The following PASK variants were observed in gnomAD, a reference collection of about 807,000 sequenced individuals.
PASK encodes the protein PAS domain containing serine/threonine kinase.
In PASK, 110 loss-of-function variants were observed where a neutral mutation model predicts 121.0. The observed-to-expected ratio is 0.91, with a 90% CI of 0.78 to 1.06. The LOEUF (loss-of-function observed/expected upper bound fraction) is 1.06. PASK is among the 50% of genes least tolerant of loss of function. The pLI, the probability that PASK is intolerant of heterozygous loss-of-function variation, is 0.00. For synonymous variants in PASK, 686 were observed against 717.8 expected (o/e 0.96, Z 0.71); for missense variants, 1,643 against 1,702.3 (o/e 0.97, Z 0.61).
chr2:241,123,008 C>A, intron 11 of PASK, 109 bp from the exon 12 acceptor site: 1 of 978,494 alleles, frequency 1.0e-6, no homozygotes, highest in Admixed American at 2.4e-5. Flanking sequence ...GGCAGGTGTG[C>A]CCTGCACTCC....
chr2:241,124,504 A>C (rs1046312872), intron 10 of PASK, among the ~76,000 whole-genome samples: 1 of 152,244 alleles, frequency 6.6e-6, no homozygotes, highest in African/African-American at 2.4e-5. Flanking sequence ...AACGTGCCCT[A>C]CACACGGTGG....
At position 241,124,112 on chromosome 2, in the gene PASK, C is replaced by A; in HGVS notation, c.2741G>T (p.Arg914Leu). Residue 914 changes from arginine (R) to leucine (L), a missense_variant, in exon 11 of 18, where the codon CGG becomes CTG. Arg to Leu is a moderately radical substitution (Grantham distance 102, BLOSUM62 -2). Transcript: ENST00000234040. The part of the protein sequence containing the change: ...LRLSIQFEVR[R>L]VELQGPTPLF... The stretch of plus-strand genomic sequence containing the variant: ...AGGTGTGGGGCCCTGGAGCTCCACC[C>A]GCCTCACCTCAAACTGTATACCTGA... 1 of 1,613,912 alleles carries A rather than the reference C, an allele frequency of 6.2e-7. No individual in the cohort carries two copies.
At chr2:241,149,333 G>A (rs2067163312) in intron 1 of PASK, 81 bp downstream of exon 1, 1 of 249,678 alleles carries the variant, frequency 4.0e-6, no homozygotes, top group African/African-American at 2.3e-5. Context: ...CTGGGCCAGG[G>A]GCGCGGAGCC....
Position 241,127,105 on chromosome 2 carries a change from C to G in PASK, c.1810G>C (p.Gly604Arg). The G allele has an allele frequency of 6.2e-7, 1 of 1,614,056 alleles. No individual in the cohort carries two copies. The highest frequency in any genetic ancestry group is 8.5e-7 in the Non-Finnish European group (1 of 1,180,020). Residue 604 changes from glycine (G) to arginine (R), a missense_variant, in exon 10 of 18, where the codon GGC becomes CGC. This residue lies in a region of PASK where 1,176 missense variants were observed against 1,162.2 expected (regional missense o/e 1.01). Transcript: ENST00000234040. ...KPQAKGQLAG[G>R]SLLMHCPCYG... ...CAAGGGCAGTGCATCAGGAGGCTGCCCCCCGCCAGCTGACCCTTGGCCTGG... is the reference window on the plus strand; with the variant it reads ...CAAGGGCAGTGCATCAGGAGGCTGCGCCCCGCCAGCTGACCCTTGGCCTGG...
At position 241,106,473 on chromosome 2, in the gene PASK, G is replaced by T. The variant is rs545320438; in HGVS notation, c.*93C>A. The T allele has an allele frequency of 6.9e-6, 9 of 1,301,804 alleles. No homozygotes were observed. Among genetic ancestry groups the T allele is most frequent in the Non-Finnish European group, 1.0e-5 (9 of 897,980 alleles). 80.6% of individuals were successfully genotyped at this position (1,301,804 alleles called of 1,614,324 possible). On this transcript the variant is annotated 3_prime_UTR_variant, in exon 18 of 18. Transcript: ENST00000234040. ...ATGAGTTTTTAGAAGGTGAATTGGG[G>T]ATGCTTCAGAATGTATTTTCTCCAA...
chr2:241,146,288 C>A (rs1302679468), intron 1 of PASK, among the ~76,000 whole-genome samples: 2 of 152,168 alleles, frequency 1.3e-5, no homozygotes, highest in Non-Finnish European at 2.9e-5. Context: ...AATATAATCT[C>A]TTTAGAAAAC....
chr2:241,114,999 C>A, intron 14 of PASK, 44 bp downstream of exon 14: 3 of 1,613,850 alleles, frequency 1.9e-6, no homozygotes, highest in Non-Finnish European at 2.5e-6. Context: ...GACCCAGGCA[C>A]CCAGGCCTGC....
At position 241,115,084 on chromosome 2, in the gene PASK, G is replaced by T; in HGVS notation, c.3292C>A (p.Pro1098Thr). Residue 1098 changes from proline (P) to threonine (T), a missense_variant, in exon 14 of 18, where the codon CCC (proline) becomes ACC (threonine). By Grantham distance (38) the Pro-to-Thr change is conservative. This residue lies in a region of PASK where 453 missense variants were observed against 511.2 expected (regional missense o/e 0.89). Transcript: ENST00000234040. ...LDLFAFIDRH[P>T]RLDEPLASYI... is the part of the protein sequence containing the mutation. Reference sequence around the variant, plus strand: ...CTCGCCAGGGGCTCATCCAGCCTGGGGTGGCGGTCGATGAAAGCGAAGAGG... The same window carrying T: ...CTCGCCAGGGGCTCATCCAGCCTGGTGTGGCGGTCGATGAAAGCGAAGAGG... 6.2e-7 allele frequency: 1 copy of T among 1,614,134 alleles called. No homozygotes were observed. The highest frequency in any genetic ancestry group is 8.5e-7 in the Non-Finnish European group (1 of 1,179,974).
chr2:241,149,544 C>T (rs1355100261), upstream of PASK: 2 of 1,011,028 alleles, frequency 2.0e-6, no homozygotes, highest in Non-Finnish European at 1.4e-6. Flanking sequence ...GCCACTTGCG[C>T]GTATGGGCGG....
chr2:241,107,512 AG>A lies in PASK; in HGVS notation c.3668-14del. ...AGGCTCATGAGTTCTGGGGACACAA[AG>A]AACACAGATGGTAGGTCCAGATTGG... On this transcript the variant is annotated splice_polypyrimidine_tract_variant and intron_variant, in intron 16 of 17. Coordinates refer to ENST00000234040, the MANE Select transcript of PASK (RefSeq NM_015148.4). The A allele has an allele frequency of 1.2e-6, 2 of 1,613,582 alleles. No individual in the cohort carries two copies. The highest frequency in any genetic ancestry group is 1.7e-6 in the Non-Finnish European group (2 of 1,179,650).
chr2:241,126,171 T>C (rs752466501), intron 10 of PASK, 25 bp downstream of exon 10: 12 of 1,611,412 alleles, frequency 7.4e-6, no homozygotes. Flanking sequence ...GCACCACACT[T>C]CTTCCTATGG....
In PASK at chr2:241,135,989, G is replaced by C. The variant is rs929562548; in HGVS notation, c.1188C>G (p.Tyr396Ter). ...GGTCTGGGAGCTGTAATGAGCTGTT[G>C]TACGCAAGGTCCATGTAGCTGTAGA... ...PGFYSYMDLA[Y>*]NSSLQLPDLA... is the part of the protein sequence containing the mutation. Residue 396 changes from tyrosine to a stop codon, truncating the protein, a stop_gained, in exon 8 of 18, where the codon TAC becomes TAG. Transcript: ENST00000234040. LOFTEE classifies it high-confidence loss of function. The C allele has an allele frequency of 6.2e-7, 1 of 1,613,774 alleles. No individual in the cohort carries two copies. Among genetic ancestry groups the C allele is most frequent in the Non-Finnish European group, 8.5e-7 (1 of 1,179,740 alleles).
Position 241,138,548 on chromosome 2 carries a change from CCTCT to C in PASK, c.741+102_741+105del, listed in dbSNP as rs553102786. The C allele has an allele frequency of 4.5e-5, 62 of 1,363,344 alleles. No homozygotes were observed. The East Asian group carries it at 1.3e-3, about 28-fold the overall frequency. 84.5% of individuals were successfully genotyped at this position (1,363,344 alleles called of 1,614,324 possible). A position where few individuals can be genotyped will look rare whatever the true frequency, so the allele number is the denominator to read the frequency against. On this transcript the variant is annotated intron_variant, in intron 5 of 17. Coordinates refer to ENST00000234040, the MANE Select transcript of PASK (RefSeq NM_015148.4). ...TGGGCAGACCCTCCAGGCTCCTCAT[CCTCT>C]CTTTCTTCCCAAAGGAATGAGACAG...
chr2:241,130,001 G>C (rs990614475), intron 9 of PASK, among the ~76,000 whole-genome samples: 1 of 152,190 alleles, frequency 6.6e-6, no homozygotes, highest in African/African-American at 2.4e-5. Flanking sequence ...TACACTCCCA[G>C]GATTACCAGG....
At chr2:241,139,843 G>C in intron 4 of PASK, 42 bp downstream of exon 4, 4 of 1,597,352 alleles carry the variant, frequency 2.5e-6, no homozygotes, top group Non-Finnish European at 2.6e-6. Flanking sequence ...ACACACTGCT[G>C]GTCTTGAGGC....
At chr2:241,122,009 G>A (rs1003077961) in intron 12 of PASK, among the ~76,000 whole-genome samples, 1 of 152,036 alleles carries the variant, frequency 6.6e-6, no homozygotes, top group Non-Finnish European at 1.5e-5. Flanking sequence ...CAAATAATTG[G>A]CAATTAAACA....
chr2:241,126,710 ATCAACC>A lies in PASK; in HGVS notation c.2199_2204del (p.Glu733_Val734del), dbSNP rs1360707379. The A allele has an allele frequency of 6.2e-7, 1 of 1,614,170 alleles. No homozygotes were observed. Among genetic ancestry groups the A allele is most frequent in the Non-Finnish European group, 8.5e-7 (1 of 1,180,048 alleles). On this transcript the variant is annotated inframe_deletion, in exon 10 of 18. Coordinates refer to ENST00000234040, the MANE Select transcript of PASK (RefSeq NM_015148.4). ...TGAGGTTCCAGGAAAACGAATTCAC[ATCAACC>A]TCCTGGGCCTCCACTGCTTCCAGGC... is the stretch of plus-strand genomic sequence containing the variant.
chr2:241,108,587 G>A lies in PASK; in HGVS notation c.3534-287C>T, dbSNP rs1389777638. ...CACAAGACGTGTCTACCAGAGGGGG[G>A]AGCGGGGGGAGGGCTTCCTGGAGGA... is the stretch of plus-strand genomic sequence containing the variant. On this transcript the variant is annotated intron_variant, in intron 15 of 17. Coordinates refer to ENST00000234040, the MANE Select transcript of PASK (RefSeq NM_015148.4). This position sits in a 1 kb window ranked among gnomAD's most constrained non-coding sequence, Gnocchi z 5.2. The A allele has an allele frequency of 9.2e-5, 45 of 487,322 alleles. No individual in the cohort carries two copies. Among genetic ancestry groups the A allele is most frequent in the African/African-American group, 7.8e-5 (4 of 51,328 alleles). 30.2% of individuals were successfully genotyped at this position (487,322 alleles called of 1,614,324 possible).
chr2:241,147,451 C>G (rs1466977796), intron 1 of PASK, among the ~76,000 whole-genome samples: 3 of 151,768 alleles, frequency 2.0e-5, no homozygotes, highest in Non-Finnish European at 4.4e-5. Context: ...GACCCCATCT[C>G]TACAAAAAAA....
Sources: gnomAD v4.1 joint callset for allele counts (sites outside exome capture counted in the v4.1 genomes callset) on GRCh38, gnomAD v4.1.1 for gene constraint, gnomAD v4.1.1 regional missense constraint, Gnocchi (gnomAD v3.1) non-coding constraint, MANE v1.5 for transcripts, NCBI Gene and HGNC (gene_info 2026-07-23, HGNC 2026-07-21) for gene names.